CHIA: variants seen among roughly 807,000 people sequenced by gnomAD.
CHIA encodes acidic mammalian chitinase.
In CHIA, 47 loss-of-function variants were observed where a neutral mutation model predicts 53.5. That is an observed-to-expected ratio of 0.88 (90% CI 0.70 to 1.12). The LOEUF is 1.12. CHIA is among the 50% of genes most tolerant of loss of function. The pLI is 0.00. For missense variants in CHIA, 652 were observed against 592.2 expected, an observed-to-expected ratio of 1.10 and a Z score of -1.05; for synonymous variants, 268 against 222.2, an observed-to-expected ratio of 1.21 and a Z score of -1.83.
At chr1:111,317,542 G>A in intron 6 of CHIA, 139 bp from the exon 7 acceptor site, 1 of 907,564 alleles carries the variant, frequency 1.1e-6, no homozygotes, top group South Asian at 1.6e-5. Flanking sequence ...TTATTTGGTT[G>A]TTGAGAGACT....
chr1:111,312,449 A>C, intron 4 of CHIA, 58 bp downstream of exon 4: 1 of 1,317,602 alleles, frequency 7.6e-7, no homozygotes, highest in South Asian at 1.2e-5. Flanking sequence ...CCCAAACATT[A>C]ATGCTTCTTA....
At chr1:111,290,995 T>C in intron 1 of CHIA, 45 bp downstream of exon 1, 1 of 376,014 alleles carries the variant, frequency 2.7e-6, no homozygotes, top group Non-Finnish European at 5.2e-6. Context: ...CCCTTTCCCA[T>C]TGCAATTTGA....
chr1:111,298,563 C>A (rs1049752205), intron 1 of CHIA, among the ~76,000 whole-genome samples: 1 of 152,078 alleles, frequency 6.6e-6, no homozygotes, highest in Non-Finnish European at 1.5e-5. Flanking sequence ...AGAGACACAA[C>A]GTGCCAGAAT....
At position 111,320,256 on chromosome 1, in the gene CHIA, T is replaced by C; in HGVS notation, c.1221T>C (p.Ala407=). 6.2e-7 allele frequency: 1 copy of C among 1,614,046 alleles called. No individual in the cohort carries two copies. The highest frequency in any genetic ancestry group is 8.5e-7 in the Non-Finnish European group (1 of 1,179,926). ...PAQPIEPITA[A]PSGSGNGSGS... ...AGCCCATTGAGCCAATAACTGCTGC[T>C]CCCAGTGGCAGCGGGAACGGGAGCG... The change falls in exon 12 of 12, where the codon GCT becomes GCC. Residue 407 remains alanine (A), a synonymous_variant. Transcript: ENST00000369740.
intron 9 of CHIA, among the ~76,000 whole-genome samples, 167 bp downstream of exon 9, chr1:111,318,845 AT>A (rs1196903879): frequency 6.6e-6 from 1 of 152,276 alleles, no homozygotes; most frequent in Non-Finnish European, 1.5e-5. Context: ...AATGAATAGC[AT>A]TTAACAATGC....
rs144623576 is a variant in CHIA, at chr1:111,320,267, G to A, written c.1232G>A (p.Ser411Asn). Reference protein sequence around the residue: ...IEPITAAPSGSGNGSGSSSSG... With the variant: ...IEPITAAPSGNGNGSGSSSSG... ...CCAATAACTGCTGCTCCCAGTGGCAGCGGGAACGGGAGCGGGAGTAGCAGC... is the reference window on the plus strand; with the variant it reads ...CCAATAACTGCTGCTCCCAGTGGCAACGGGAACGGGAGCGGGAGTAGCAGC... The change falls in exon 12 of 12, where the codon AGC becomes AAC. Residue 411 changes from serine to asparagine, a missense_variant. Transcript: ENST00000369740. 24 of 1,613,986 alleles carry A rather than the reference G, an allele frequency of 1.5e-5. No individual in the cohort carries two copies. The highest frequency in any genetic ancestry group is 1.8e-5 in the Non-Finnish European group (21 of 1,179,946).
intron 1 of CHIA, among the ~76,000 whole-genome samples, chr1:111,296,656 C>G (rs1661358115): frequency 6.6e-6 from 1 of 152,160 alleles, no homozygotes; most frequent in Admixed American, 6.5e-5. Context: ...AAATCCAGAG[C>G]ACCTCTTATC....
At chr1:111,309,419 A>T (rs534379327) in intron 1 of CHIA, among the ~76,000 whole-genome samples, 1 of 152,384 alleles carries the variant, frequency 6.6e-6, no homozygotes, top group South Asian at 2.1e-4. Flanking sequence ...GCATCATATA[A>T]GCAATACAGA....
chr1:111,318,672 C>G lies in CHIA; in HGVS notation c.909C>G (p.Tyr303Ter). The change falls in exon 9 of 12, where the codon TAC becomes TAG. Residue 303 changes from tyrosine (Y) to a stop codon, truncating the protein, a stop_gained. Coordinates refer to ENST00000369740, the MANE Select transcript of CHIA (RefSeq NM_201653.4). LOFTEE classifies it high-confidence loss of function. Reference sequence around the variant, plus strand: ...CCAAGGAGTCTGGGATCTGGGCTTACTACGAGGTATGTAGATTGGACTGAA... The same window carrying G: ...CCAAGGAGTCTGGGATCTGGGCTTAGTACGAGGTATGTAGATTGGACTGAA... ...PYAKESGIWAYYEICTFLKNG... is the reference protein window; with the variant it reads ...PYAKESGIWA 2 of 1,613,254 alleles carry G rather than the reference C, an allele frequency of 1.2e-6. No individual in the cohort carries two copies.
intron 7 of CHIA, 68 bp from the exon 8 acceptor site, chr1:111,317,918 T>C: frequency 1.9e-6 from 3 of 1,611,356 alleles, no homozygotes; most frequent in Non-Finnish European, 1.7e-6. Flanking sequence ...TTAGAAGTGG[T>C]GTCCTGTGCC....
At chr1:111,319,509 C>A in intron 11 of CHIA, 41 bp downstream of exon 11, 2 of 1,601,644 alleles carry the variant, frequency 1.2e-6, no homozygotes, top group Admixed American at 1.7e-5. Flanking sequence ...ATAAATACCC[C>A]TTCTCCAACT....
At chr1:111,318,219 T>G (rs1649332987) in intron 8 of CHIA, 110 bp downstream of exon 8, 3 of 1,179,306 alleles carry the variant, frequency 2.5e-6, no homozygotes, top group Non-Finnish European at 3.6e-6. Context: ...AATGGGAAAT[T>G]AGGCTGCCAT....
In CHIA at chr1:111,310,339, A is replaced by T. The variant is rs973004440; in HGVS notation, c.-68-61A>T. On this transcript the variant is annotated intron_variant, in intron 1 of 11. Coordinates refer to ENST00000369740, the MANE Select transcript of CHIA (RefSeq NM_201653.4). ...TCTTGGGAGGGTGTTTGTAGAAGAG[A>T]AGGTCCGTTGATTTACTGATTAACT... 2.0e-6 allele frequency: 3 copies of T among 1,526,418 alleles called. No homozygotes were observed. In the African/African-American group the frequency reaches 4.2e-5, roughly 21 times the overall value. The allele number at this position is 1,526,418 out of a possible 1,614,324, so 94.6% of individuals were successfully genotyped here.
chr1:111,314,790 T>C (rs1649008530), intron 5 of CHIA, 194 bp downstream of exon 5: 1 of 545,282 alleles, frequency 1.8e-6, no homozygotes, highest in Middle Eastern at 3.1e-4. Flanking sequence ...ATACATTTAA[T>C]TTGGTGGACA....
chr1:111,311,806 G>A, intron 3 of CHIA, 88 bp downstream of exon 3: 1 of 1,389,504 alleles, frequency 7.2e-7, no homozygotes, highest in Non-Finnish European at 1.0e-6. Flanking sequence ...TTGCTTCACA[G>A]ACAGATGGGT....
At chr1:111,312,058 C>A in intron 3 of CHIA, 132 bp from the exon 4 acceptor site, 1 of 708,692 alleles carries the variant, frequency 1.4e-6, no homozygotes, top group Non-Finnish European at 2.5e-6. Flanking sequence ...CAAGAGTGTT[C>A]ATACTAATTA....
chr1:111,307,456 A>G (rs1648275537), intron 1 of CHIA, among the ~76,000 whole-genome samples: 1 of 152,220 alleles, frequency 6.6e-6, no homozygotes, highest in Non-Finnish European at 1.5e-5. Flanking sequence ...TAATGAATGT[A>G]TCATTTGGGG....
intron 8 of CHIA, among the ~76,000 whole-genome samples, 190 bp downstream of exon 8, chr1:111,318,299 T>TA (rs1288025962): frequency 6.6e-6 from 1 of 152,220 alleles, no homozygotes; most frequent in African/African-American, 2.4e-5. Flanking sequence ...ATTCTGCAAG[T>TA]GTCTCACTTA....
chr1:111,302,996 T>C (rs1647882143), intron 1 of CHIA, among the ~76,000 whole-genome samples: 2 of 152,190 alleles, frequency 1.3e-5, no homozygotes, highest in East Asian at 1.9e-4. Context: ...CTTGTATTAA[T>C]ATATAATGTC....
Sources: gnomAD v4.1 joint callset for allele counts (sites outside exome capture counted in the v4.1 genomes callset) on GRCh38, gnomAD v4.1.1 for gene constraint, MANE v1.5 for transcripts, NCBI Gene and HGNC (gene_info 2026-07-23, HGNC 2026-07-21) for gene names.